TENM2: variants seen among roughly 807,000 people sequenced by gnomAD.
The protein encoded by TENM2 is teneurin transmembrane protein 2, also known as teneurin-2.
TENM2 carries 52 observed loss-of-function variants against 245.2 expected under a neutral mutation model. The observed-to-expected ratio is 0.21, with a 90% CI of 0.17 to 0.27. The LOEUF (loss-of-function observed/expected upper bound fraction) is 0.27. Ranked by LOEUF, TENM2 falls within the 10% of genes least tolerant of loss-of-function variation. The pLI, the probability that TENM2 is intolerant of heterozygous loss-of-function variation, is 1.00. For synonymous variants in TENM2, 1,363 were observed against 1,438.9 expected, an observed-to-expected ratio of 0.95 and a Z score of 1.19; for missense variants, 3,046 against 3,666.8, an observed-to-expected ratio of 0.83 and a Z score of 4.37.
chr5:167,342,507 C>CTTTTTTTTTTTTTTTT (rs35451881), intron 1 of TENM2, among the ~76,000 whole-genome samples: 1 of 54,278 alleles, frequency 1.8e-5, no homozygotes, highest in Non-Finnish European at 3.2e-5. Context: ...TAAAGTTATT[C>CTTTTTTTTTTTTTTTT]TTTTTTTTTT....
Position 168,229,539 on chromosome 5 carries a change from T to A in TENM2, c.5520+1409T>A, listed in dbSNP as rs3830389. On this transcript the variant is annotated intron_variant, in intron 25 of 28. Coordinates refer to ENST00000518659, the Ensembl canonical transcript of TENM2. ...ATAAGTAAAAACTAATAAATAAAAA[T>A]AAATAAATAACTGCAGAACAAGACA... 8 of 75,480 alleles carry A rather than the reference T, an allele frequency of 1.1e-4. No individual in the cohort carries two copies. In the African/African-American group the frequency reaches 3.1e-3, roughly 30 times the overall value. 4.7% of individuals were successfully genotyped at this position (75,480 alleles called of 1,614,324 possible).
At chr5:167,649,339 T>C (rs1780182041) in intron 2 of TENM2, among the ~76,000 whole-genome samples, 1 of 152,170 alleles carries the variant, frequency 6.6e-6, no homozygotes, top group Admixed American at 6.5e-5. Context: ...TTCAGGAGTT[T>C]GATGGGCAGG....
chr5:167,163,054 C>G, the TENM2 span, among the ~76,000 whole-genome samples: 1 of 152,152 alleles, frequency 6.6e-6, no homozygotes, highest in Non-Finnish European at 1.5e-5. Context: ...GCCCTTTGTT[C>G]AGAGGAACCA....
At chr5:167,261,611 G>T in the TENM2 span, among the ~76,000 whole-genome samples, 4 of 152,096 alleles carry the variant, frequency 2.6e-5, no homozygotes, top group African/African-American at 4.8e-5. Context: ...TGGGTGGAAG[G>T]TTAAGGGGAC....
intron 3 of TENM2, among the ~76,000 whole-genome samples, chr5:167,920,657 C>T (rs914247762): frequency 2.0e-5 from 3 of 152,070 alleles, no homozygotes; most frequent in East Asian, 1.9e-4. Flanking sequence ...ACACCCAGCT[C>T]GCAGCAAATT....
chr5:167,047,134 C>T, the TENM2 span, among the ~76,000 whole-genome samples: 1 of 152,276 alleles, frequency 6.6e-6, no homozygotes, highest in East Asian at 1.9e-4. Flanking sequence ...TTTATTACCA[C>T]TTGTTGTTTC....
intron 19 of TENM2, among the ~76,000 whole-genome samples, chr5:168,206,225 G>T (rs1437370961): frequency 6.6e-6 from 1 of 152,232 alleles, no homozygotes; most frequent in Non-Finnish European, 1.5e-5. Context: ...TCAGTGGCCT[G>T]CCCCCAGCAA....
At chr5:168,187,238 G>A (rs1760544379) in intron 13 of TENM2, 1 of 152,234 alleles carries the variant, frequency 6.6e-6, no homozygotes, top group African/African-American at 2.4e-5. Flanking sequence ...ACAAAACAGT[G>A]GGGAAATTTG....
chr5:167,606,587 C>T (rs923086087), intron 2 of TENM2, among the ~76,000 whole-genome samples: 2 of 152,122 alleles, frequency 1.3e-5, no homozygotes, highest in Non-Finnish European at 2.9e-5. Context: ...GGGGAAAGCA[C>T]CAGCATTTAG....
At chr5:167,889,282 T>G (rs925086919) in intron 3 of TENM2, among the ~76,000 whole-genome samples, 1 of 152,126 alleles carries the variant, frequency 6.6e-6, no homozygotes, top group Non-Finnish European at 1.5e-5. Context: ...TGCAAACCTC[T>G]GCTTTTGAAT....
intron 2 of TENM2, among the ~76,000 whole-genome samples, chr5:167,796,041 C>G (rs1765291646): frequency 6.6e-6 from 1 of 151,988 alleles, no homozygotes; most frequent in African/African-American, 2.4e-5. Flanking sequence ...ACTATGGATG[C>G]TAGAGAAAGT....
At chr5:167,676,083 ACAACTCCTTATTTACACAG>A (rs1319791277) in intron 2 of TENM2, among the ~76,000 whole-genome samples, 1 of 152,080 alleles carries the variant, frequency 6.6e-6, no homozygotes, top group Non-Finnish European at 1.5e-5. Context: ...GATCACTGTA[ACAACTCCTTATTTACACAG>A]CACATTCATT....
the TENM2 span, among the ~76,000 whole-genome samples, chr5:167,187,726 A>G: frequency 6.6e-6 from 1 of 152,002 alleles, no homozygotes; most frequent in African/African-American, 2.4e-5. Flanking sequence ...TTGAATTGAA[A>G]AGTTAGCAGC....
rs562972848 is a variant in TENM2 at position 167,847,419 on chromosome 5, C to T, written c.503-28567C>T. Among the ~76,000 whole-genome samples, 3 of 152,302 alleles carry T rather than the reference C, an allele frequency of 2.0e-5. No homozygotes were observed. The East Asian group carries it at 5.8e-4, about 29-fold the overall frequency. The stretch of plus-strand genomic sequence containing the variant: ...TAGAAAATCTACTATTCTATTAACC[C>T]AAACTCATTTTTTCTATCACTTCTA... On this transcript the variant is annotated intron_variant, in intron 2 of 28. Coordinates refer to ENST00000518659, the Ensembl canonical transcript of TENM2.
At chr5:167,225,061 C>A in the TENM2 span, among the ~76,000 whole-genome samples, 1 of 151,922 alleles carries the variant, frequency 6.6e-6, no homozygotes, top group Non-Finnish European at 1.5e-5. Flanking sequence ...GTGTATCCTG[C>A]AACTTTACTA....
intron 2 of TENM2, among the ~76,000 whole-genome samples, chr5:167,392,303 G>A (rs984840458): frequency 1.3e-5 from 2 of 152,160 alleles, no homozygotes; most frequent in Non-Finnish European, 2.9e-5. Flanking sequence ...GGATGTCCAC[G>A]TAGCTGGTTA....
chr5:168,235,152 T>C (rs1221413651), intron 25 of TENM2, among the ~76,000 whole-genome samples: 2 of 152,182 alleles, frequency 1.3e-5, no homozygotes, highest in Non-Finnish European at 2.9e-5. Flanking sequence ...TTTTCACAGC[T>C]CCTTCCTGCC....
chr5:167,808,191 A>G (rs1766368818), intron 2 of TENM2, among the ~76,000 whole-genome samples: 1 of 152,150 alleles, frequency 6.6e-6, no homozygotes, highest in African/African-American at 2.4e-5. Context: ...CAACTTAATC[A>G]CTTTAAGGTT....
chr5:168,228,456 G>T (rs1011661341), intron 25 of TENM2, among the ~76,000 whole-genome samples: 1 of 152,180 alleles, frequency 6.6e-6, no homozygotes, highest in Non-Finnish European at 1.5e-5. Context: ...AGACAGCTTT[G>T]GTCTTCTTTT....
Sources: gnomAD v4.1 joint callset for allele counts (sites outside exome capture counted in the v4.1 genomes callset) on GRCh38, gnomAD v4.1.1 for gene constraint, MANE v1.5 for transcripts, NCBI Gene and HGNC (gene_info 2026-07-23, HGNC 2026-07-21) for gene names.